DMXL1: variants seen among roughly 807,000 people sequenced by gnomAD.
DMXL1 encodes the protein Dmx like 1.
A neutral mutation model predicts 319.2 loss-of-function variants in DMXL1; 99 were observed. That is an observed-to-expected ratio of 0.31 (90% CI 0.26 to 0.37). DMXL1 has a LOEUF of 0.37. Among genes scored for constraint, DMXL1 ranks in the 10% least tolerant of loss-of-function variants. DMXL1 has a pLI of 1.00. For missense variants in DMXL1, 3,745 were observed against 3,595.6 expected (o/e 1.04, Z -1.06); for synonymous variants, 1,385 against 1,235.2 (o/e 1.12, Z -2.54).
chr5:119,078,461 A>T (rs895014594), intron 1 of DMXL1, among the ~76,000 whole-genome samples: 6 of 151,858 alleles, frequency 4.0e-5, no homozygotes, highest in South Asian at 2.1e-4. Flanking sequence ...TATTTTATTT[A>T]TTTTTTTGAG....
intron 1 of DMXL1, among the ~76,000 whole-genome samples, chr5:119,097,747 C>T (rs960092154): frequency 9.2e-5 from 14 of 151,894 alleles, no homozygotes; most frequent in Middle Eastern, 3.4e-3. Flanking sequence ...GGACAGAGTT[C>T]AGAGTTGATG....
At chr5:119,218,701 C>T (rs560101602) in intron 35 of DMXL1, among the ~76,000 whole-genome samples, 13 of 152,268 alleles carry the variant, frequency 8.5e-5, no homozygotes, top group Non-Finnish European at 1.2e-4. Flanking sequence ...CCTCGTGATC[C>T]GCCTGCCTCG....
rs531944698 is a variant in DMXL1 at position 119,159,511 on chromosome 5, A to G, written c.4703-4996A>G. 1.6e-4 allele frequency among the ~76,000 whole-genome samples: 25 copies of G among 152,130 alleles called. No homozygotes were observed. The South Asian group carries it at 2.1e-3, about 13-fold the overall frequency. On this transcript the variant is annotated intron_variant, in intron 19 of 43. Transcript: ENST00000539542. ...GTTGTCTGTGTCTAGGAAGTTATCT[A>G]TTTCTTCTGGGTTATCCAATTTGTT...
rs2150686908 is a variant in DMXL1 at position 119,233,347 on chromosome 5, A to G, written c.8346A>G (p.Thr2782=). Reference sequence around the variant, plus strand: ...TGCCCTCTTGTAATGCAGATCTGACAGGAGCTCAAGATGGAAGTGTCAGAA... The same window carrying G: ...TGCCCTCTTGTAATGCAGATCTGACGGGAGCTCAAGATGGAAGTGTCAGAA... ...TSHPTLPYYL[T]GAQDGSVRMF... Residue 2782 remains threonine, a synonymous_variant, in exon 39 of 44, where the codon ACA becomes ACG. Transcript: ENST00000539542. The G allele has an allele frequency of 6.2e-7, 1 of 1,612,094 alleles. No homozygotes were observed. Among genetic ancestry groups the G allele is most frequent in the East Asian group, 2.2e-5 (1 of 44,766 alleles).
intron 14 of DMXL1, 125 bp from the exon 15 acceptor site, chr5:119,144,411 C>G: frequency 1.4e-6 from 1 of 696,390 alleles, no homozygotes; most frequent in Non-Finnish European, 2.5e-6. Context: ...CGCTTACGTT[C>G]TGCTGAACTT....
At position 119,144,864 on chromosome 5, in the gene DMXL1, A is replaced by G. The variant is rs1161941425; in HGVS notation, c.2569+226A>G. Among the ~76,000 whole-genome samples, 4 of 151,802 alleles carry G rather than the reference A, an allele frequency of 2.6e-5. No individual in the cohort carries two copies. In the East Asian group the frequency reaches 7.7e-4, roughly 29 times the overall value. On this transcript the variant is annotated intron_variant, in intron 15 of 43. Transcript: ENST00000539542. Reference sequence around the variant, plus strand: ...CTTGGTTGTATGTTTTTTAAACTGCATAATAGAAATGCTTTATTATTAACA... The same window carrying G: ...CTTGGTTGTATGTTTTTTAAACTGCGTAATAGAAATGCTTTATTATTAACA...
chr5:119,133,949 T>C lies in DMXL1; in HGVS notation c.2025T>C (p.Ala675=). ...DVDNPEQPFD[A]LNIEECSLTQ... is the part of the protein sequence containing the mutation. ...ATAACCCAGAGCAACCTTTTGATGC[T>C]CTAAATATTGAAGAATGCTCTTTGA... is the stretch of plus-strand genomic sequence containing the variant. Residue 675 remains alanine (A), a synonymous_variant, in exon 12 of 44, where the codon GCT becomes GCC. Transcript: ENST00000539542. 1 of 1,614,166 alleles carries C rather than the reference T, an allele frequency of 6.2e-7. No individual in the cohort carries two copies. The highest frequency in any genetic ancestry group is 8.5e-7 in the Non-Finnish European group (1 of 1,180,022).
In DMXL1 at chr5:119,146,918, T is replaced by A; in HGVS notation, c.2651T>A (p.Met884Lys). Reference sequence around the variant, plus strand: ...CAAGACAACCGTTCACTGTTACACATGTGGAATTTACATCTAAAGTCAATT... The same window carrying A: ...CAAGACAACCGTTCACTGTTACACAAGTGGAATTTACATCTAAAGTCAATT... ...CTQDNRSLLH[M>K]WNLHLKSIPV... Residue 884 changes from methionine (M) to lysine (K), a missense_variant, in exon 16 of 44, where the codon ATG (methionine) becomes AAG (lysine). By Grantham distance (95) the Met-to-Lys change is moderately conservative (BLOSUM62 -1). Around this residue, in one of 4 missense-constraint regions of DMXL1, gnomAD observed 2,096 missense variants for 1,985.4 expected, o/e 1.06. Transcript: ENST00000539542. 2 of 1,612,392 alleles carry A rather than the reference T, an allele frequency of 1.2e-6. No homozygotes were observed. Among genetic ancestry groups the A allele is most frequent in the Non-Finnish European group, 1.7e-6 (2 of 1,179,044 alleles).
At chr5:119,118,515 C>T (rs900883602) in intron 7 of DMXL1, among the ~76,000 whole-genome samples, 2 of 151,992 alleles carry the variant, frequency 1.3e-5, no homozygotes, top group African/African-American at 4.8e-5. Context: ...GGGAGGATTA[C>T]TTGAGCCAGA....
intron 19 of DMXL1, among the ~76,000 whole-genome samples, chr5:119,162,046 A>G (rs1269395093): frequency 6.6e-6 from 1 of 152,176 alleles, no homozygotes; most frequent in Non-Finnish European, 1.5e-5. Context: ...CCTGGGAAAC[A>G]TTTTAGAACA....
At chr5:119,100,490 C>A (rs1757007287) in intron 2 of DMXL1, 1 of 151,202 alleles carries the variant, frequency 6.6e-6, no homozygotes, top group Admixed American at 6.6e-5. Context: ...TTTATTATTA[C>A]TGTTTTTTTC....
chr5:119,139,161 C>T (rs1331829439), intron 13 of DMXL1, among the ~76,000 whole-genome samples: 1 of 151,834 alleles, frequency 6.6e-6, no homozygotes, highest in Non-Finnish European at 1.5e-5. Context: ...AAGATCACTA[C>T]CACCTAATAT....
intron 4 of DMXL1, among the ~76,000 whole-genome samples, chr5:119,106,950 T>C (rs573372949): frequency 6.6e-6 from 1 of 152,258 alleles, no homozygotes; most frequent in African/African-American, 2.4e-5. Flanking sequence ...GAGTTAGAGG[T>C]AGTGGAACAT....
At position 119,247,094 on chromosome 5, in the gene DMXL1, G is replaced by T. The variant is rs750357818; in HGVS notation, c.9022G>T (p.Glu3008Ter). The T allele has an allele frequency of 6.2e-7, 1 of 1,614,146 alleles. No individual in the cohort carries two copies. The highest frequency in any genetic ancestry group is 1.3e-5 in the African/African-American group (1 of 75,058). The change falls in exon 44 of 44, where the codon GAG (glutamate) becomes TAG (stop). Residue 3008 changes from glutamate to a stop codon, truncating the protein, a stop_gained. Coordinates refer to ENST00000539542, the MANE Select transcript of DMXL1 (RefSeq NM_001290321.3). LOFTEE classifies it high-confidence loss of function. ...TATTGGAACTGGAGTGATGCAAATT[G>T]AGACAGGGCCTGCAAATCACATTTT... ...RNIGTGVMQIETGPANHIFSC... is the reference protein window; with the variant it reads ...RNIGTGVMQI
chr5:119,201,012 A>G (rs1432742537), intron 32 of DMXL1, among the ~76,000 whole-genome samples: 1 of 152,192 alleles, frequency 6.6e-6, no homozygotes, highest in Non-Finnish European at 1.5e-5. Flanking sequence ...GTTATCTACA[A>G]ACAGGCATAG....
At chr5:119,184,432 A>G (rs776442532) in intron 28 of DMXL1, among the ~76,000 whole-genome samples, 27 of 152,104 alleles carry the variant, frequency 1.8e-4, no homozygotes, top group Admixed American at 1.4e-3. Flanking sequence ...CAGTTTTCTA[A>G]TATTTCTAAG....
intron 38 of DMXL1, among the ~76,000 whole-genome samples, chr5:119,231,189 G>T (rs1323485645): frequency 6.6e-6 from 1 of 152,084 alleles, no homozygotes; most frequent in African/African-American, 2.4e-5. Context: ...CCCTGTTGTG[G>T]CCACCATAAT....
intron 4 of DMXL1, among the ~76,000 whole-genome samples, 170 bp downstream of exon 4, chr5:119,105,428 G>C (rs1758119977): frequency 6.6e-6 from 1 of 152,122 alleles, no homozygotes. Context: ...AGACAGATAT[G>C]CACTGTAAGA....
chr5:119,100,265 C>T (rs1440371817), intron 2 of DMXL1, among the ~76,000 whole-genome samples: 3 of 151,248 alleles, frequency 2.0e-5, no homozygotes, highest in Admixed American at 6.6e-5. Flanking sequence ...CCCGTCTCTA[C>T]TACAAAATAA....
Sources: gnomAD v4.1 joint callset for allele counts (sites outside exome capture counted in the v4.1 genomes callset) on GRCh38, gnomAD v4.1.1 for gene constraint, gnomAD v4.1.1 regional missense constraint, MANE v1.5 for transcripts, NCBI Gene and HGNC (gene_info 2026-07-23, HGNC 2026-07-21) for gene names.